Variants in LPP observed in about 807,000 individuals in gnomAD.
The protein encoded by LPP is lipoma-preferred partner.
Under a neutral mutation model 60.4 loss-of-function variants are expected in LPP, and 38 were observed. The observed-to-expected ratio is 0.63, with a 90% CI of 0.49 to 0.83. LPP has a LOEUF of 0.83. LPP is among the 40% of genes least tolerant of loss of function. The probability of loss-of-function intolerance (pLI) is 0.00; values close to 1 mark genes in which losing one functional copy is unlikely to be tolerated. For missense variants in LPP, 902 were observed against 783.6 expected, an observed-to-expected ratio of 1.15 and a Z score of -1.80; for synonymous variants, 328 against 290.8, an observed-to-expected ratio of 1.13 and a Z score of -1.30.
intron 2 of LPP, among the ~76,000 whole-genome samples, chr3:188,287,546 G>T (rs1744363615): frequency 6.6e-6 from 1 of 152,204 alleles, no homozygotes; most frequent in Non-Finnish European, 1.5e-5. Flanking sequence ...TGTCAAATCT[G>T]CCTTCTTTCT....
intron 7 of LPP, among the ~76,000 whole-genome samples, chr3:188,651,216 T>C (rs1484344204): frequency 5.3e-5 from 8 of 152,206 alleles, no homozygotes; most frequent in Admixed American, 5.2e-4. Flanking sequence ...TATTCAGACA[T>C]ATATAACGCA....
chr3:188,866,810 A>C (rs1435222411), intron 10 of LPP, among the ~76,000 whole-genome samples: 2 of 152,164 alleles, frequency 1.3e-5, no homozygotes, highest in Non-Finnish European at 2.9e-5. Context: ...GAGTTTTCTC[A>C]AGAGCTAATC....
intron 2 of LPP, among the ~76,000 whole-genome samples, chr3:188,229,584 A>T (rs1719081684): frequency 6.6e-6 from 1 of 152,236 alleles, no homozygotes; most frequent in Non-Finnish European, 1.5e-5. Context: ...AAAAATTACA[A>T]GAGGATTTGT....
chr3:188,499,973 G>A lies in LPP; in HGVS notation c.306+15269G>A, dbSNP rs546390212. On this transcript the variant is annotated intron_variant, in intron 5 of 11. Coordinates refer to ENST00000617246, the MANE Select transcript of LPP (RefSeq NM_001375462.1). ...GTAGTAACTTTATATGCTCTACTTG[G>A]CTAAATTCACTATTTAGTTCTAATA... Among the ~76,000 whole-genome samples, 6 of 152,072 alleles carry A rather than the reference G, an allele frequency of 3.9e-5. 1 individual carries two copies. The South Asian group carries it at 1.2e-3, about 32-fold the overall frequency.
chr3:188,638,901 G>A (rs1433062371), intron 7 of LPP, among the ~76,000 whole-genome samples: 2 of 152,082 alleles, frequency 1.3e-5, no homozygotes, highest in African/African-American at 4.8e-5. Context: ...CCATGCTCAT[G>A]GATAAGAAGA....
intron 4 of LPP, among the ~76,000 whole-genome samples, chr3:188,423,870 T>C (rs576876915): frequency 1.3e-5 from 2 of 149,798 alleles, no homozygotes; most frequent in East Asian, 3.9e-4. Flanking sequence ...GTCAGATGGA[T>C]AGATTGCACG....
rs552846357 is a variant in LPP, at chr3:188,363,041, T to A, written c.-10+21322T>A. Among the ~76,000 whole-genome samples the A allele has an allele frequency of 9.7e-3, 1,478 of 152,030 alleles. 11 individuals carry two copies. The highest frequency in any genetic ancestry group is 0.027 in the African/African-American group (1,120 of 41,516). On this transcript the variant is annotated intron_variant, in intron 3 of 11. Transcript: ENST00000617246. ...ATTATCTATTTATTTTATTTATTTT[T>A]TTTTTTTACAACTGATGGGAAGGGA...
chr3:188,583,644 C>T lies in LPP; in HGVS notation c.430-25517C>T, dbSNP rs114111652. Among the ~76,000 whole-genome samples, 464 of 152,224 alleles carry T rather than the reference C, an allele frequency of 3.0e-3. 2 individuals carry two copies. The highest frequency in any genetic ancestry group is 0.011 in the African/African-American group (449 of 41,542). On this transcript the variant is annotated intron_variant, in intron 6 of 11. Coordinates refer to ENST00000617246, the MANE Select transcript of LPP (RefSeq NM_001375462.1). ...GAGGACGATGACCATTGACCCGGAC[C>T]GCGTTGTTAAACTTCTTAGTCTCAG...
At chr3:188,482,313 T>C (rs1805032479) in intron 4 of LPP, among the ~76,000 whole-genome samples, 1 of 152,210 alleles carries the variant, frequency 6.6e-6, no homozygotes, top group Admixed American at 6.5e-5. Context: ...TAGATTCAGA[T>C]AGAACATTTG....
intron 5 of LPP, among the ~76,000 whole-genome samples, chr3:188,504,831 G>C (rs1812986880): frequency 1.3e-5 from 2 of 151,308 alleles, no homozygotes; most frequent in African/African-American, 4.9e-5. Context: ...TGAGTCCCAT[G>C]GAAGTCACTT....
At chr3:188,517,836 A>G (rs754298720) in intron 5 of LPP, among the ~76,000 whole-genome samples, 13 of 152,130 alleles carry the variant, frequency 8.5e-5, no homozygotes, top group African/African-American at 3.1e-4. Flanking sequence ...TGGGAGTACA[A>G]TTTAAGATGA....
intron 6 of LPP, among the ~76,000 whole-genome samples, chr3:188,586,736 T>TTG (rs1837540328): frequency 6.6e-6 from 1 of 150,914 alleles, no homozygotes; most frequent in Non-Finnish European, 1.5e-5. Context: ...AACATTGTTT[T>TTG]TTTTTTTTTT....
In LPP at chr3:188,358,258, A is replaced by G. The variant is rs766316706; in HGVS notation, c.-10+16539A>G. 2.6e-5 allele frequency among the ~76,000 whole-genome samples: 4 copies of G among 152,204 alleles called. No individual in the cohort carries two copies. In the South Asian group the frequency reaches 6.2e-4, roughly 24 times the overall value. ...TATAATAGCTAAAGCCAGGATATGA[A>G]CTCAGGTAGTCTGGCTTCAGCAGCT... is the stretch of plus-strand genomic sequence containing the variant. On this transcript the variant is annotated intron_variant, in intron 3 of 11. Coordinates refer to ENST00000617246, the MANE Select transcript of LPP (RefSeq NM_001375462.1).
At chr3:188,361,997 G>C (rs777890462) in intron 3 of LPP, among the ~76,000 whole-genome samples, 2 of 152,116 alleles carry the variant, frequency 1.3e-5, no homozygotes, top group Non-Finnish European at 2.9e-5. Flanking sequence ...TGTTCAATAG[G>C]GGACACAAAC....
intron 4 of LPP, among the ~76,000 whole-genome samples, chr3:188,470,319 C>CACACAT (rs138685539): frequency 0.12 from 18,379 of 148,664 alleles, 1,413 homozygotes; most frequent in African/African-American, 0.17. Flanking sequence ...CACACACACA[C>CACACAT]GCACACATAA....
chr3:188,605,440 C>G (rs997072576), intron 6 of LPP, among the ~76,000 whole-genome samples: 11 of 152,062 alleles, frequency 7.2e-5, no homozygotes, highest in Non-Finnish European at 1.5e-4. Context: ...AAAAGCAGAT[C>G]AGGGTGGATG....
intron 4 of LPP, among the ~76,000 whole-genome samples, chr3:188,479,427 C>T (rs16863358): frequency 0.018 from 2,705 of 152,256 alleles, 79 homozygotes; most frequent in African/African-American, 0.062. Context: ...TCAGAGTCTG[C>T]GTTTGATCTA....
intron 2 of LPP, among the ~76,000 whole-genome samples, chr3:188,304,241 G>C (rs1221067682): frequency 2.0e-5 from 3 of 152,130 alleles, no homozygotes; most frequent in Non-Finnish European, 4.4e-5. Context: ...TTCTCTTGCT[G>C]TACCTCCAAT....
chr3:188,416,174 A>G (rs1339986583), intron 4 of LPP, among the ~76,000 whole-genome samples: 1 of 152,200 alleles, frequency 6.6e-6, no homozygotes, highest in Admixed American at 6.6e-5. Context: ...TCTTACTCAA[A>G]GTGCTATCTT....
Sources: gnomAD v4.1 joint callset for allele counts (sites outside exome capture counted in the v4.1 genomes callset) on GRCh38, gnomAD v4.1.1 for gene constraint, MANE v1.5 for transcripts, NCBI Gene and HGNC (gene_info 2026-07-23, HGNC 2026-07-21) for gene names.